SORCS1: variants seen among roughly 807,000 people sequenced by gnomAD.
The protein encoded by SORCS1 is VPS10 domain-containing receptor SorCS1.
SORCS1 carries 60 observed loss-of-function variants against 146.1 expected under a neutral mutation model. That is an observed-to-expected ratio of 0.41 (90% CI 0.33 to 0.51). The LOEUF is 0.51. Among genes scored for constraint, SORCS1 ranks in the 20% least tolerant of loss-of-function variants. SORCS1 has a pLI of 0.21. For missense variants in SORCS1, 1,352 were observed against 1,487.6 expected (o/e 0.91, Z 1.50); for synonymous variants, 637 against 584.0 (o/e 1.09, Z -1.31).
At chr10:106,956,357 G>A (rs1006061101) in intron 2 of SORCS1, among the ~76,000 whole-genome samples, 156 bp downstream of exon 2, 7 of 152,186 alleles carry the variant, frequency 4.6e-5, no homozygotes, top group African/African-American at 1.7e-4. Context: ...TGGAGATAAA[G>A]CCCAGCGCAT....
At chr10:106,682,020 C>T (rs1226014430) in intron 10 of SORCS1, among the ~76,000 whole-genome samples, 11 of 151,962 alleles carry the variant, frequency 7.2e-5, no homozygotes, top group African/African-American at 1.4e-4. Context: ...CCCAGCTACT[C>T]GGGAGGCTGA....
chr10:106,784,393 A>C (rs76843069), intron 3 of SORCS1, among the ~76,000 whole-genome samples: 1 of 74,006 alleles, frequency 1.4e-5, no homozygotes, highest in Non-Finnish European at 3.2e-5. Flanking sequence ...AGACTCCGTC[A>C]AAAAAAAAAA....
intron 2 of SORCS1, among the ~76,000 whole-genome samples, chr10:106,946,405 G>A (rs1425279230): frequency 6.6e-6 from 1 of 152,158 alleles, no homozygotes; most frequent in Non-Finnish European, 1.5e-5. Context: ...AGGATTTGGT[G>A]GGAGGTAATT....
chr10:106,614,394 G>A (rs917873198), intron 21 of SORCS1, among the ~76,000 whole-genome samples: 4 of 152,100 alleles, frequency 2.6e-5, no homozygotes, highest in Non-Finnish European at 2.9e-5. Flanking sequence ...CACATGTTTC[G>A]AAGACTCTGA....
At chr10:106,881,076 C>CA (rs59128024) in intron 2 of SORCS1, among the ~76,000 whole-genome samples, 27,511 of 68,894 alleles carry the variant, frequency 0.4, 5,024 homozygotes, top group Non-Finnish European at 0.47. Context: ...GACTCTGTCT[C>CA]AAAAAAAAAA....
chr10:106,843,604 T>C (rs1009591850), intron 2 of SORCS1, among the ~76,000 whole-genome samples: 2 of 151,766 alleles, frequency 1.3e-5, no homozygotes, highest in African/African-American at 4.8e-5. Context: ...GCTTATTCTG[T>C]TTTTGTATTT....
intron 1 of SORCS1, among the ~76,000 whole-genome samples, chr10:107,108,871 C>A (rs1965489513): frequency 6.6e-6 from 1 of 152,192 alleles, no homozygotes; most frequent in Non-Finnish European, 1.5e-5. Context: ...GATAAACATT[C>A]TCATTCCAAA....
chr10:106,918,605 AGGGAGAAAGG>A (rs929427490), intron 2 of SORCS1, among the ~76,000 whole-genome samples: 2 of 152,030 alleles, frequency 1.3e-5, no homozygotes, highest in Admixed American at 6.6e-5. Flanking sequence ...AGAGGAGGAG[AGGGAGAAAGG>A]GGGAGAAAGG....
intron 2 of SORCS1, among the ~76,000 whole-genome samples, chr10:106,934,522 G>GTGC (rs1470404023): frequency 1.3e-5 from 2 of 152,090 alleles, no homozygotes; most frequent in Admixed American, 6.5e-5. Context: ...GCCTCCCAAA[G>GTGC]TGCTGGGATT....
intron 1 of SORCS1, among the ~76,000 whole-genome samples, chr10:107,127,024 A>G (rs998120901): frequency 2.6e-5 from 4 of 152,148 alleles, no homozygotes; most frequent in African/African-American, 7.2e-5. Flanking sequence ...GGTTAACATG[A>G]TTTACAGATC....
chr10:106,792,541 T>C (rs1268610824), intron 3 of SORCS1, among the ~76,000 whole-genome samples: 2 of 152,250 alleles, frequency 1.3e-5, no homozygotes, highest in African/African-American at 4.8e-5. Flanking sequence ...GACATAATCA[T>C]TCCTCCAAGA....
At chr10:106,876,193 G>A (rs1191848965) in intron 2 of SORCS1, among the ~76,000 whole-genome samples, 5 of 152,160 alleles carry the variant, frequency 3.3e-5, no homozygotes. Flanking sequence ...TGTAAGGAAT[G>A]CAGCTTCTCT....
At chr10:106,705,567 C>A (rs1191278266) in intron 8 of SORCS1, among the ~76,000 whole-genome samples, 1 of 152,200 alleles carries the variant, frequency 6.6e-6, no homozygotes, top group East Asian at 1.9e-4. Flanking sequence ...GTTCTTTGTG[C>A]AACCCAAAGG....
At chr10:107,174,438 G>C in the SORCS1 span, among the ~76,000 whole-genome samples, 4 of 151,986 alleles carry the variant, frequency 2.6e-5, no homozygotes, top group African/African-American at 9.7e-5. Flanking sequence ...TCGATCTCCT[G>C]ACCTCGTGAT....
intron 2 of SORCS1, among the ~76,000 whole-genome samples, chr10:106,953,959 C>T (rs1441150830): frequency 4.6e-5 from 7 of 152,314 alleles, no homozygotes; most frequent in East Asian, 1.9e-4. Flanking sequence ...AAGTAGACTG[C>T]TCCTTCAGAA....
chr10:106,823,672 T>C (rs2136946098), intron 3 of SORCS1, among the ~76,000 whole-genome samples: 1 of 152,212 alleles, frequency 6.6e-6, no homozygotes, highest in East Asian at 1.9e-4. Flanking sequence ...ACAACTATAA[T>C]CAGAAGTGAG....
intron 4 of SORCS1, among the ~76,000 whole-genome samples, chr10:106,771,713 GC>G (rs1297442692): frequency 2.6e-5 from 4 of 152,120 alleles, no homozygotes; most frequent in Admixed American, 6.6e-5. Context: ...ACACCAAGTA[GC>G]CCCCTGTCCA....
chr10:106,954,413 T>C (rs548107533), intron 2 of SORCS1, among the ~76,000 whole-genome samples: 142 of 152,234 alleles, frequency 9.3e-4, no homozygotes, highest in African/African-American at 3.3e-3. Flanking sequence ...GCGGGCTCCT[T>C]AATGCACAAA....
chr10:106,840,113 A>G (rs1264591409), intron 2 of SORCS1, among the ~76,000 whole-genome samples: 2 of 152,214 alleles, frequency 1.3e-5, no homozygotes, highest in African/African-American at 4.8e-5. Flanking sequence ...AAGTAGTATT[A>G]TTTAAGAAAT....
Sources: allele counts gnomAD v4.1 joint callset (sites outside exome capture counted in the v4.1 genomes callset), GRCh38; gene constraint gnomAD v4.1.1; transcripts MANE v1.5; gene names NCBI Gene and HGNC (gene_info 2026-07-23, HGNC 2026-07-21).